NEK1: variants seen among roughly 807,000 people sequenced by gnomAD.
The protein encoded by NEK1 is NIMA related kinase 1.
In NEK1, 137 loss-of-function variants were observed where a neutral mutation model predicts 182.1. The ratio of observed to expected loss-of-function variants is 0.75; its 90% CI spans 0.65 to 0.87. The LOEUF (loss-of-function observed/expected upper bound fraction) is 0.87. Among genes scored for constraint, NEK1 ranks in the 40% least tolerant of loss-of-function variants. The pLI is 0.00. For missense variants in NEK1, 1,391 were observed against 1,494.4 expected (o/e 0.93, Z 1.14); for synonymous variants, 513 against 492.2 (o/e 1.04, Z -0.56).
intron 27 of NEK1, among the ~76,000 whole-genome samples, chr4:169,442,247 C>G (rs1011214931): frequency 3.3e-5 from 5 of 152,204 alleles, no homozygotes; most frequent in Non-Finnish European, 7.3e-5. Flanking sequence ...ACTGGCTCAA[C>G]TGGCTCCCTG....
chr4:169,459,014 C>T (rs77988890), intron 27 of NEK1, among the ~76,000 whole-genome samples: 1,524 of 151,568 alleles, frequency 0.01, 33 homozygotes, highest in African/African-American at 0.035. Flanking sequence ...TAGAGATACT[C>T]AACTGGTATA....
chr4:169,539,260 C>G (rs1759002101), intron 18 of NEK1, among the ~76,000 whole-genome samples: 2 of 152,122 alleles, frequency 1.3e-5, no homozygotes, highest in Non-Finnish European at 2.9e-5. Context: ...GTCCCATTAG[C>G]CACTGGAAAA....
At chr4:169,500,808 T>C (rs1443750094) in intron 23 of NEK1, among the ~76,000 whole-genome samples, 1 of 152,156 alleles carries the variant, frequency 6.6e-6, no homozygotes, top group Non-Finnish European at 1.5e-5. Context: ...GCCACAAAAG[T>C]ACATGTAAGT....
chr4:169,475,026 A>G (rs1746690617), intron 26 of NEK1, among the ~76,000 whole-genome samples: 1 of 152,174 alleles, frequency 6.6e-6, no homozygotes, highest in African/African-American at 2.4e-5. Context: ...GGTCCCTGAG[A>G]GAGGGAAAAA....
intron 18 of NEK1, chr4:169,554,409 A>G (rs1356346724): frequency 2.2e-5 from 3 of 137,186 alleles, no homozygotes; most frequent in African/African-American, 9.0e-5. Flanking sequence ...TAGAACAAGA[A>G]CCTGTCTCAA....
intron 27 of NEK1, among the ~76,000 whole-genome samples, chr4:169,449,984 A>G (rs992860436): frequency 2.0e-5 from 3 of 152,242 alleles, no homozygotes; most frequent in Non-Finnish European, 4.4e-5. Flanking sequence ...AAGAACTTCA[A>G]TGACCTGATG....
chr4:169,579,126 T>A (rs890268082), intron 11 of NEK1, among the ~76,000 whole-genome samples: 2 of 152,186 alleles, frequency 1.3e-5, no homozygotes, highest in African/African-American at 4.8e-5. Flanking sequence ...GAATTACTTA[T>A]CTGATTTTAG....
At chr4:169,463,122 A>C (rs1363471320) in intron 27 of NEK1, 121 bp downstream of exon 27, 1 of 586,936 alleles carries the variant, frequency 1.7e-6, no homozygotes, top group African/African-American at 1.9e-5. Flanking sequence ...CTAATTAAAA[A>C]ATTATTATAA....
intron 26 of NEK1, among the ~76,000 whole-genome samples, chr4:169,467,231 T>G (rs1023569869): frequency 6.6e-6 from 1 of 152,136 alleles, no homozygotes; most frequent in Non-Finnish European, 1.5e-5. Context: ...TGGTCAACAG[T>G]AGGCTATTAC....
At chr4:169,471,232 C>T (rs56225251) in intron 26 of NEK1, among the ~76,000 whole-genome samples, 8,630 of 152,116 alleles carry the variant, frequency 0.057, 248 homozygotes, top group African/African-American at 0.073. Context: ...AGCCTTTTTG[C>T]GTTGGTTTTT....
chr4:169,449,846 T>C (rs1741353707), intron 27 of NEK1, among the ~76,000 whole-genome samples: 3 of 152,290 alleles, frequency 2.0e-5, no homozygotes, highest in South Asian at 2.1e-4. Context: ...TTGACAGAAG[T>C]AGGCTTCAGA....
intron 26 of NEK1, among the ~76,000 whole-genome samples, chr4:169,465,043 A>G (rs530480338): frequency 5.8e-4 from 89 of 152,262 alleles, no homozygotes; most frequent in African/African-American, 2.1e-3. Context: ...GTATATAGAC[A>G]TTCAATGGTA....
intron 5 of NEK1, among the ~76,000 whole-genome samples, chr4:169,595,922 CAAAAAAAAAAAAA>C (rs56313001): frequency 1.5e-5 from 1 of 67,204 alleles, no homozygotes; most frequent in Admixed American, 2.0e-4. Flanking sequence ...GACTCCACCT[CAAAAAAAAAAAAA>C]AAAAAAAAAG....
At chr4:169,591,509 G>GA (rs1443928806) in intron 5 of NEK1, among the ~76,000 whole-genome samples, 3 of 151,742 alleles carry the variant, frequency 2.0e-5, no homozygotes, top group Admixed American at 6.6e-5. Flanking sequence ...ATCACAAAAG[G>GA]AAAAAAATCA....
chr4:169,515,185 T>C (rs1246416801), intron 19 of NEK1, among the ~76,000 whole-genome samples: 1 of 152,180 alleles, frequency 6.6e-6, no homozygotes, highest in Non-Finnish European at 1.5e-5. Flanking sequence ...TTCTCTATAT[T>C]TGTAAAGGTT....
rs747769599 is a variant in NEK1 at position 169,485,802 on chromosome 4, C to T, written c.2008-6268G>A. 2.6e-4 allele frequency among the ~76,000 whole-genome samples: 40 copies of T among 152,110 alleles called. 1 individual carries two copies. The highest frequency in any genetic ancestry group is 1.8e-3 in the Admixed American group (27 of 15,278). ...GGCTGAGGCAGGAGGAGCACTTGAG[C>T]CCAGGAGTTTGAGACCCAGTTAATT... is the stretch of plus-strand genomic sequence containing the variant. On this transcript the variant is annotated intron_variant, in intron 23 of 35. Coordinates refer to ENST00000507142, the MANE Select transcript of NEK1 (RefSeq NM_001199397.3).
intron 12 of NEK1, among the ~76,000 whole-genome samples, chr4:169,569,616 C>T (rs549719871): frequency 2.0e-5 from 3 of 152,014 alleles, no homozygotes; most frequent in African/African-American, 4.8e-5. Context: ...CTCAGCCTGC[C>T]GAGTGCCTGC....
intron 29 of NEK1, among the ~76,000 whole-genome samples, chr4:169,429,539 A>G (rs1021040302): frequency 1.3e-5 from 2 of 152,180 alleles, no homozygotes; most frequent in African/African-American, 4.8e-5. Flanking sequence ...CCATTGCTTC[A>G]TGTTATTTTA....
At chr4:169,467,501 G>T (rs916412098) in intron 26 of NEK1, among the ~76,000 whole-genome samples, 5 of 151,788 alleles carry the variant, frequency 3.3e-5, no homozygotes, top group African/African-American at 7.3e-5. Context: ...AGGTAAAATG[G>T]AATAATAAAA....
Sources: gnomAD v4.1 joint callset for allele counts (sites outside exome capture counted in the v4.1 genomes callset) on GRCh38, gnomAD v4.1.1 for gene constraint, MANE v1.5 for transcripts, NCBI Gene and HGNC (gene_info 2026-07-23, HGNC 2026-07-21) for gene names.